ADGRL2: variants seen among roughly 807,000 people sequenced by gnomAD.
ADGRL2 encodes adhesion G protein-coupled receptor L2.
Under a neutral mutation model 157.4 loss-of-function variants are expected in ADGRL2, and 44 were observed. The ratio of observed to expected loss-of-function variants is 0.28; its 90% CI spans 0.22 to 0.36. ADGRL2 has a LOEUF of 0.36. Ranked by LOEUF, ADGRL2 falls within the 10% of genes least tolerant of loss-of-function variation. The pLI is 1.00. For missense variants in ADGRL2, 1,510 were observed against 1,768.9 expected, an observed-to-expected ratio of 0.85 and a Z score of 2.63; for synonymous variants, 585 against 624.7, an observed-to-expected ratio of 0.94 and a Z score of 0.95.
At chr1:81,587,768 A>C (rs1255762579) in intron 3 of ADGRL2, among the ~76,000 whole-genome samples, 2 of 152,144 alleles carry the variant, frequency 1.3e-5, no homozygotes, top group Admixed American at 6.6e-5. Flanking sequence ...AATCGTTTTT[A>C]TGAGTTATAG....
chr1:81,426,816 C>T (rs2077226040), intron 1 of ADGRL2: 4 of 515,086 alleles, frequency 7.8e-6, no homozygotes, highest in South Asian at 6.4e-5. Flanking sequence ...AGCCTGATGC[C>T]CATCTACCAG....
chr1:81,626,898 C>T (rs1450891692), intron 3 of ADGRL2, among the ~76,000 whole-genome samples: 2 of 152,058 alleles, frequency 1.3e-5, no homozygotes, highest in Admixed American at 6.6e-5. Flanking sequence ...CTTATACATT[C>T]GTGAACACCA....
At chr1:81,769,945 C>T (rs916391417) in intron 2 of ADGRL2, among the ~76,000 whole-genome samples, 1 of 151,894 alleles carries the variant, frequency 6.6e-6, no homozygotes, top group African/African-American at 2.4e-5. Flanking sequence ...CTCACTGCAA[C>T]CTCCACCCCT....
chr1:81,948,372 A>G (rs1351461255), intron 6 of ADGRL2, among the ~76,000 whole-genome samples: 1 of 152,180 alleles, frequency 6.6e-6, no homozygotes, highest in Non-Finnish European at 1.5e-5. Flanking sequence ...ATGAATCTCA[A>G]CTAATGCTTA....
intron 1 of ADGRL2, among the ~76,000 whole-genome samples, chr1:81,725,636 T>G (rs2084498321): frequency 6.6e-6 from 1 of 152,218 alleles, no homozygotes; most frequent in African/African-American, 2.4e-5. Context: ...CAACGTGTAC[T>G]TGGTTTAACT....
intron 2 of ADGRL2, chr1:81,501,718 C>T: frequency 2.5e-6 from 4 of 1,603,688 alleles, no homozygotes; most frequent in East Asian, 2.2e-5. Context: ...GCCTGGTGGG[C>T]TGTGCCCAGG....
At chr1:81,576,580 C>A (rs1029740645) in intron 2 of ADGRL2, among the ~76,000 whole-genome samples, 2 of 152,088 alleles carry the variant, frequency 1.3e-5, no homozygotes, top group Non-Finnish European at 2.9e-5. Context: ...CAGATTCAAT[C>A]AAGGCCAGTC....
chr1:81,747,142 C>T (rs1164531082), intron 1 of ADGRL2, among the ~76,000 whole-genome samples: 1 of 135,280 alleles, frequency 7.4e-6, no homozygotes, highest in South Asian at 2.2e-4. Flanking sequence ...TATATGTATA[C>T]ATATATACGT....
At chr1:81,446,862 A>C in intron 2 of ADGRL2, among the ~76,000 whole-genome samples, 1 of 152,252 alleles carries the variant, frequency 6.6e-6, no homozygotes, top group East Asian at 1.9e-4. Flanking sequence ...TGTTATATTT[A>C]ATTTAGGTAT....
At chr1:81,400,559 T>C (rs2076734921) in intron 1 of ADGRL2, among the ~76,000 whole-genome samples, 2 of 152,022 alleles carry the variant, frequency 1.3e-5, no homozygotes, top group African/African-American at 4.8e-5. Context: ...TTGAGGAACC[T>C]GAGAACCTGA....
At chr1:81,876,788 A>G (rs1442623308) in intron 2 of ADGRL2, among the ~76,000 whole-genome samples, 1 of 152,182 alleles carries the variant, frequency 6.6e-6, no homozygotes, top group Non-Finnish European at 1.5e-5. Flanking sequence ...GAGAAAAATT[A>G]TTAAGATTTC....
intron 2 of ADGRL2, among the ~76,000 whole-genome samples, chr1:81,492,524 A>G (rs9663035): frequency 0.15 from 22,187 of 152,110 alleles, 2,991 homozygotes; most frequent in African/African-American, 0.36. Flanking sequence ...TTATTGCTAG[A>G]AAAAAGTATG....
chr1:81,721,298 A>C (rs2084309858), intron 1 of ADGRL2, among the ~76,000 whole-genome samples: 1 of 152,058 alleles, frequency 6.6e-6, no homozygotes, highest in South Asian at 2.1e-4. Context: ...ACTTGGAGTC[A>C]CTTTTGAGGC....
rs368971967 is a variant in ADGRL2 at position 81,348,384 on chromosome 1, T to C, written c.-302+41875T>C. On this transcript the variant is annotated intron_variant, in intron 1 of 24. Transcript: ENST00000370721. The stretch of plus-strand genomic sequence containing the variant: ...TCGTCCTCTGGTAATCAGAATCTAC[T>C]TTTTGACAGTAGCCTTTCTCCTTCC... 4.6e-5 allele frequency among the ~76,000 whole-genome samples: 7 copies of C among 152,320 alleles called. No individual in the cohort carries two copies. The East Asian group carries it at 1.3e-3, about 29-fold the overall frequency.
chr1:81,597,475 G>T (rs1315194440), intron 3 of ADGRL2, among the ~76,000 whole-genome samples: 1 of 152,102 alleles, frequency 6.6e-6, no homozygotes, highest in East Asian at 1.9e-4. Context: ...ATAAAAACGT[G>T]AATTTATTTA....
In ADGRL2 at chr1:81,907,104, G is replaced by A. The variant is rs762626450; in HGVS notation, c.161G>A (p.Ser54Asn). 3 of 1,614,132 alleles carry A rather than the reference G, an allele frequency of 1.9e-6. No individual in the cohort carries two copies. Among genetic ancestry groups the A allele is most frequent in the Non-Finnish European group, 2.5e-6 (3 of 1,180,000 alleles). Reference protein sequence around the residue: ...GYSIDLRCPGSDVIMIESANY... With the variant: ...GYSIDLRCPGNDVIMIESANY... ...TCTATAGATCTGCGATGCCCGGGCA[G>A]TGATGTCATCATGATTGAGAGCGCT... Residue 54 changes from serine to asparagine, a missense_variant, in exon 3 of 24, where the codon AGT (serine) becomes AAT (asparagine). Ser to Asn is a conservative substitution (Grantham distance 46). This residue lies in a region of ADGRL2 where 361 missense variants were observed against 498.4 expected (regional missense o/e 0.72). Transcript: ENST00000686636.
At chr1:81,932,459 C>A (rs2095247100) in intron 3 of ADGRL2, among the ~76,000 whole-genome samples, 1 of 152,156 alleles carries the variant, frequency 6.6e-6, no homozygotes, top group Non-Finnish European at 1.5e-5. Context: ...GTACTCATCA[C>A]TTGTTTTCTG....
chr1:81,798,817 T>C (rs1030746329), upstream of ADGRL2, among the ~76,000 whole-genome samples: 1 of 152,196 alleles, frequency 6.6e-6, no homozygotes, highest in African/African-American at 2.4e-5. Context: ...AAAATGTCTA[T>C]TGATTACTTA....
chr1:81,888,542 C>T (rs1557850406), intron 2 of ADGRL2, among the ~76,000 whole-genome samples: 2 of 152,098 alleles, frequency 1.3e-5, no homozygotes, highest in Non-Finnish European at 2.9e-5. Context: ...GGGTTCACGC[C>T]ATTCTCCCGC....
Sources: allele counts gnomAD v4.1 joint callset (sites outside exome capture counted in the v4.1 genomes callset), GRCh38; gene constraint gnomAD v4.1.1; regional missense constraint gnomAD v4.1.1; transcripts MANE v1.5; gene names NCBI Gene and HGNC (gene_info 2026-07-23, HGNC 2026-07-21).